NCAPD2: variants seen among roughly 807,000 people sequenced by gnomAD.
The protein encoded by NCAPD2 is non-SMC condensin I complex subunit D2.
Under a neutral mutation model 164.5 loss-of-function variants are expected in NCAPD2, and 100 were observed. The ratio of observed to expected loss-of-function variants is 0.61; its 90% confidence interval spans 0.52 to 0.72. The LOEUF (loss-of-function observed/expected upper bound fraction) is 0.72. Ranked by LOEUF, NCAPD2 falls within the 30% of genes least tolerant of loss-of-function variation. The pLI is 0.00. For synonymous variants in NCAPD2, 585 were observed against 642.6 expected (o/e 0.91, Z 1.36); for missense variants, 1,560 against 1,749.2 (o/e 0.89, Z 1.93).
Position 6,514,371 on chromosome 12 carries a change from A to C in NCAPD2, c.694A>C (p.Thr232Pro), listed in dbSNP as rs774076450. 4.8e-5 allele frequency: 78 copies of C among 1,614,000 alleles called. No homozygotes were observed. Among genetic ancestry groups the C allele is most frequent in the Non-Finnish European group, 2.5e-6 (3 of 1,180,024 alleles). The change falls in exon 7 of 32, where the codon ACC (threonine) becomes CCC (proline). Residue 232 changes from threonine to proline, a missense_variant. Thr to Pro is a conservative substitution (Grantham distance 38). Transcript: ENST00000315579. ...AACACACCTGCTTGGTGTAGCCTTG[A>C]CCCGTTATAACCATATGCTCAGTAA... ...AITHLLGVAL[T>P]RYNHMLSATV...
chr12:6,505,540 T>C (rs1374274319), intron 2 of NCAPD2, among the ~76,000 whole-genome samples: 1 of 152,158 alleles, frequency 6.6e-6, no homozygotes, highest in African/African-American at 2.4e-5. Context: ...CAGTTATGAT[T>C]TAATACTGCA....
At chr12:6,529,481 C>T (rs553504752) in intron 27 of NCAPD2, 32 bp from the exon 28 acceptor site, 21 of 1,596,930 alleles carry the variant, frequency 1.3e-5, no homozygotes, top group East Asian at 6.7e-5. Context: ...TGGCCCTGGG[C>T]CATCGAACAT....
At chr12:6,502,243 A>G (rs183860109) in intron 2 of NCAPD2, among the ~76,000 whole-genome samples, 1 of 152,210 alleles carries the variant, frequency 6.6e-6, no homozygotes. Flanking sequence ...ATGTATGGGC[A>G]TAGATGCAAC....
intron 1 of NCAPD2, among the ~76,000 whole-genome samples, chr12:6,494,642 C>A (rs1945958789): frequency 6.6e-6 from 1 of 152,246 alleles, no homozygotes; most frequent in Non-Finnish European, 1.5e-5. Flanking sequence ...ACTTAAGGAG[C>A]TTTGCACATA....
rs563566478 is a variant in NCAPD2, at chr12:6,528,444, G to C, written c.3299+116G>C. The C allele has an allele frequency of 7.0e-7, 1 of 1,419,742 alleles. No individual in the cohort carries two copies. Among genetic ancestry groups the C allele is most frequent in the Admixed American group, 1.8e-5 (1 of 56,562 alleles). The allele number at this position is 1,419,742 out of a possible 1,614,324, so 87.9% of individuals were successfully genotyped here. On this transcript the variant is annotated intron_variant, in intron 25 of 31. Coordinates refer to ENST00000315579, the MANE Select transcript of NCAPD2 (RefSeq NM_014865.4). The surrounding 1 kb of genome is among the most constrained non-coding windows in gnomAD (Gnocchi z 5.1). Reference sequence around the variant, plus strand: ...GGCTTTGGCATCACCGCGAACATCTGCTTGATACTTGACCTGTACAGGCCC... The same window carrying C: ...GGCTTTGGCATCACCGCGAACATCTCCTTGATACTTGACCTGTACAGGCCC...
chr12:6,509,346 C>T lies in NCAPD2; in HGVS notation c.128-371C>T, dbSNP rs182176626. Among the ~76,000 whole-genome samples, 7 of 152,242 alleles carry T rather than the reference C, an allele frequency of 4.6e-5. No homozygotes were observed. The East Asian group carries it at 1.2e-3, about 25-fold the overall frequency. Reference sequence around the variant, plus strand: ...GCACGATCTTGGCTCACTGCAACCTCCACCTCTTGGGTTCAAGCAATTCTC... The same window carrying T: ...GCACGATCTTGGCTCACTGCAACCTTCACCTCTTGGGTTCAAGCAATTCTC... On this transcript the variant is annotated intron_variant, in intron 2 of 31. Transcript: ENST00000315579.
chr12:6,526,990 T>C lies in NCAPD2; in HGVS notation c.2834T>C (p.Val945Ala), dbSNP rs1337489294. Residue 945 changes from valine to alanine, a missense_variant, in exon 22 of 32, where the codon GTG becomes GCG. Val to Ala is a moderately conservative substitution (Grantham distance 64, BLOSUM62 0). Coordinates refer to ENST00000315579, the MANE Select transcript of NCAPD2 (RefSeq NM_014865.4). ...LQQLVHLEQA[V>A]SGELCRRRVL... ...CAGCTGGTCCACTTGGAGCAGGCAG[T>C]GAGTGGAGAGCTCTGCCGGCGCCGA... 6.2e-7 allele frequency: 1 copy of C among 1,614,058 alleles called. No homozygotes were observed. Among genetic ancestry groups the C allele is most frequent in the East Asian group, 2.2e-5 (1 of 44,876 alleles).
At chr12:6,517,049 A>T in intron 10 of NCAPD2, 24 bp downstream of exon 10, 1 of 1,610,774 alleles carries the variant, frequency 6.2e-7, no homozygotes, top group Non-Finnish European at 8.5e-7. Flanking sequence ...ATGTGGCAAA[A>T]ACATATGGTA....
chr12:6,528,463 C>G lies in NCAPD2; in HGVS notation c.3299+135C>G. The G allele has an allele frequency of 7.7e-7, 1 of 1,303,450 alleles. No individual in the cohort carries two copies. Among genetic ancestry groups the G allele is most frequent in the Non-Finnish European group, 1.1e-6 (1 of 935,176 alleles). The allele number at this position is 1,303,450 out of a possible 1,614,324, so 80.7% of individuals were successfully genotyped here. A position where few individuals can be genotyped will look rare whatever the true frequency, so the allele number is the denominator to read the frequency against. On this transcript the variant is annotated intron_variant, in intron 25 of 31. Transcript: ENST00000315579. This position sits in a 1 kb window ranked among gnomAD's most constrained non-coding sequence, Gnocchi z 5.1. ...ACATCTGCTTGATACTTGACCTGTA[C>G]AGGCCCCTGGCTAAGAGTCACCCCA... is the stretch of plus-strand genomic sequence containing the variant.
Position 6,531,765 on chromosome 12 carries a change from T to C in NCAPD2, c.*353T>C. The C allele has an allele frequency of 3.4e-6, 1 of 290,928 alleles. No individual in the cohort carries two copies. Among genetic ancestry groups the C allele is most frequent in the Non-Finnish European group, 6.6e-6 (1 of 150,434 alleles). 18.0% of individuals were successfully genotyped at this position (290,928 alleles called of 1,614,324 possible). ...GTTGTAGTGAGCCGAAATCACACCA[T>C]TGCACTCCAGCTTGGGCAACAATAG... On this transcript the variant is annotated 3_prime_UTR_variant, in exon 32 of 32. Transcript: ENST00000315579. This position sits in a 1 kb window ranked among gnomAD's most constrained non-coding sequence, Gnocchi z 4.1.
intron 6 of NCAPD2, among the ~76,000 whole-genome samples, chr12:6,513,274 C>T (rs1946168249): frequency 6.6e-6 from 1 of 152,160 alleles, no homozygotes; most frequent in Non-Finnish European, 1.5e-5. Flanking sequence ...GGGTGCATGG[C>T]TCACGCCTAT....
intron 14 of NCAPD2, among the ~76,000 whole-genome samples, 158 bp from the exon 15 acceptor site, chr12:6,521,640 A>AT (rs1946264443): frequency 6.6e-6 from 1 of 152,212 alleles, no homozygotes; most frequent in South Asian, 2.1e-4. Flanking sequence ...GTGAGCGGTG[A>AT]TCATTGCCAC....
intron 2 of NCAPD2, among the ~76,000 whole-genome samples, chr12:6,498,546 C>T (rs1175469436): frequency 6.6e-6 from 1 of 152,166 alleles, no homozygotes; most frequent in Non-Finnish European, 1.5e-5. Context: ...ATGGTTTTTT[C>T]CCTCTACCTG....
intron 2 of NCAPD2, among the ~76,000 whole-genome samples, chr12:6,497,407 A>C (rs923535102): frequency 2.6e-5 from 4 of 151,800 alleles, no homozygotes; most frequent in African/African-American, 7.3e-5. Flanking sequence ...CCTGGGTATT[A>C]AGCCCAGCAT....
rs1946171887 is a variant in NCAPD2 at position 6,513,715 on chromosome 12, C to CTTTTGTTTTTTTTTTTTTTTTT, written c.588-546_588-545insGTTTTTTTTTTTTTTTTTTTTT. 6.7e-5 allele frequency among the ~76,000 whole-genome samples: 5 copies of CTTTTGTTTTTTTTTTTTTTTTT among 74,894 alleles called. 1 individual carries two copies. Among genetic ancestry groups the CTTTTGTTTTTTTTTTTTTTTTT allele is most frequent in the Non-Finnish European group, 1.3e-4 (5 of 39,380 alleles). The allele number at this position is 74,894 out of a possible 152,430, so 49.1% of individuals were successfully genotyped here. A position where few individuals can be genotyped will look rare whatever the true frequency, so the allele number is the denominator to read the frequency against. On this transcript the variant is annotated intron_variant, in intron 6 of 31. Coordinates refer to ENST00000315579, the MANE Select transcript of NCAPD2 (RefSeq NM_014865.4). ...AATGAGAAGTCATTGGTGACTTTGT[C>CTTTTGTTTTTTTTTTTTTTTTT]TTTTTTTTTTTTTTTTTTGTGATGG... is the stretch of plus-strand genomic sequence containing the variant.
chr12:6,528,115 C>T lies in NCAPD2; in HGVS notation c.3143+24C>T. ...AGGTAGGCCGTGGGGTTGGTACCCC[C>T]TTCTCAAGGAAGATGGGGATGAAAT... On this transcript the variant is annotated intron_variant, in intron 24 of 31. Transcript: ENST00000315579. The surrounding 1 kb of genome is among the most constrained non-coding windows in gnomAD (Gnocchi z 5.1). The T allele has an allele frequency of 6.2e-7, 1 of 1,614,212 alleles. No individual in the cohort carries two copies. Among genetic ancestry groups the T allele is most frequent in the Non-Finnish European group, 8.5e-7 (1 of 1,180,040 alleles).
chr12:6,521,735 C>T, intron 14 of NCAPD2, 63 bp from the exon 15 acceptor site: 2 of 1,552,564 alleles, frequency 1.3e-6, no homozygotes, highest in Non-Finnish European at 8.7e-7. Context: ...GGAATGTTGA[C>T]AGCTGTTGGA....
At position 6,529,587 on chromosome 12, in the gene NCAPD2, C is replaced by T. The variant is rs575359551; in HGVS notation, c.3647C>T (p.Thr1216Ile). Residue 1216 changes from threonine to isoleucine, a missense_variant, in exon 28 of 32, where the codon ACA becomes ATA. Coordinates refer to ENST00000315579, the MANE Select transcript of NCAPD2 (RefSeq NM_014865.4). ...LVEKLCQRFR[T>I]SRTERQQRDL... ...GAAAAGCTGTGTCAGCGGTTCCGCA[C>T]ATCCCGGTATGCTGCCCTCCCTGAG... The T allele has an allele frequency of 9.5e-5, 153 of 1,614,194 alleles. 2 individuals are homozygous for T. In the South Asian group the frequency reaches 1.6e-3, roughly 17 times the overall value.
Position 6,514,365 on chromosome 12 carries a change from G to T in NCAPD2, c.688G>T (p.Ala230Ser), listed in dbSNP as rs772966919. Reference protein sequence around the residue: ...REAITHLLGVALTRYNHMLSA... With the variant: ...REAITHLLGVSLTRYNHMLSA... The stretch of plus-strand genomic sequence containing the variant: ...AGCCATAACACACCTGCTTGGTGTA[G>T]CCTTGACCCGTTATAACCATATGCT... The change falls in exon 7 of 32, where the codon GCC (alanine) becomes TCC (serine). Residue 230 changes from alanine to serine, a missense_variant. Physicochemically the swap from Ala to Ser is moderately conservative, Grantham distance 99. Transcript: ENST00000315579. The T allele has an allele frequency of 4.3e-6, 7 of 1,614,072 alleles. No homozygotes were observed. The African/African-American group carries it at 9.3e-5, about 22-fold the overall frequency.
Sources: allele counts gnomAD v4.1 joint callset (sites outside exome capture counted in the v4.1 genomes callset), GRCh38; gene constraint gnomAD v4.1.1; non-coding constraint Gnocchi (gnomAD v3.1); transcripts MANE v1.5; gene names NCBI Gene and HGNC (gene_info 2026-07-23, HGNC 2026-07-21).